MGA: variants seen among roughly 807,000 people sequenced by gnomAD.
The protein encoded by MGA is MAX gene-associated protein.
Under a neutral mutation model 261.1 loss-of-function variants are expected in MGA, and 40 were observed. That is an observed-to-expected ratio of 0.15 (90% CI 0.12 to 0.20). The LOEUF is 0.20. Among genes scored for constraint, MGA ranks in the 10% least tolerant of loss-of-function variants. The probability of loss-of-function intolerance (pLI) is 1.00; values close to 1 mark genes in which losing one functional copy is unlikely to be tolerated. For missense variants in MGA, 3,397 were observed against 3,630.5 expected (o/e 0.94, Z 1.65); for synonymous variants, 1,302 against 1,290.6 (o/e 1.01, Z -0.19).
Position 41,766,197 on chromosome 15 carries a change from A to C in MGA, c.8115A>C (p.Gly2705=). ...ATAAGGGTAGAATCTCTTCCAGAGG[A>C]AACAGAGATGGCAGAGTGACGTTGG... Residue 2705 remains glycine (G), a synonymous_variant, in exon 24 of 24, where the codon GGA becomes GGC. Transcript: ENST00000219905. 1 of 1,613,986 alleles carries C rather than the reference A, an allele frequency of 6.2e-7. No individual in the cohort carries two copies. Among genetic ancestry groups the C allele is most frequent in the Non-Finnish European group, 8.5e-7 (1 of 1,179,866 alleles).
intron 13 of MGA, among the ~76,000 whole-genome samples, chr15:41,738,665 T>C (rs1258357279): frequency 6.6e-6 from 1 of 152,204 alleles, no homozygotes. Context: ...CACCATAGAA[T>C]GTGTCTGCAT....
intron 5 of MGA, among the ~76,000 whole-genome samples, chr15:41,702,351 C>G (rs1209087632): frequency 6.7e-6 from 1 of 149,720 alleles, no homozygotes; most frequent in African/African-American, 2.4e-5. Context: ...TGGACTTAAA[C>G]AGTTTCTGAA....
Position 41,696,138 on chromosome 15 carries a change from C to T in MGA, c.1128C>T (p.Ser376=), listed in dbSNP as rs1326551159. 3 of 1,613,710 alleles carry T rather than the reference C, an allele frequency of 1.9e-6. No homozygotes were observed. The highest frequency in any genetic ancestry group is 2.7e-5 in the African/African-American group (2 of 74,842). Residue 376 remains serine, a synonymous_variant, in exon 3 of 24, where the codon AGC becomes AGT. Coordinates refer to ENST00000219905, the MANE Select transcript of MGA (RefSeq NM_001164273.2). Reference sequence around the variant, plus strand: ...CCTCACCGTTAGACCAGAACGGAAGCTTCAATGTTGTTATTAAAGAGGAAC... The same window carrying T: ...CCTCACCGTTAGACCAGAACGGAAGTTTCAATGTTGTTATTAAAGAGGAAC...
intron 2 of MGA, among the ~76,000 whole-genome samples, chr15:41,695,210 A>G (rs558048033): frequency 6.8e-6 from 1 of 146,790 alleles, no homozygotes; most frequent in African/African-American, 2.5e-5. Flanking sequence ...TTCTTTTTTG[A>G]CACAGGGTCT....
intron 9 of MGA, among the ~76,000 whole-genome samples, chr15:41,714,071 CTT>C (rs938378057): frequency 4.6e-5 from 7 of 152,060 alleles, no homozygotes; most frequent in African/African-American, 1.7e-4. Flanking sequence ...TCTGTTATAT[CTT>C]TGTATTTTGT....
At chr15:41,650,768 A>T (rs1388306331) in intron 1 of MGA, among the ~76,000 whole-genome samples, 3 of 152,116 alleles carry the variant, frequency 2.0e-5, no homozygotes. Context: ...ACCTCTTATA[A>T]ATATTTGATA....
At chr15:41,659,849 T>C (rs140841403), upstream of MGA, among the ~76,000 whole-genome samples, 26 of 152,364 alleles carry the variant, frequency 1.7e-4, no homozygotes, top group African/African-American at 5.3e-4. Context: ...TCCTCCCCAT[T>C]TTCCTAGTCG....
chr15:41,636,547 A>G (rs956860089), intron 1 of MGA, among the ~76,000 whole-genome samples: 35 of 142,166 alleles, frequency 2.5e-4, no homozygotes, highest in African/African-American at 7.9e-4. Flanking sequence ...TGCAACCTCC[A>G]CCTCCTGGGT....
At chr15:41,716,790 ATTC>A (rs1332411992) in intron 9 of MGA, among the ~76,000 whole-genome samples, 1 of 152,152 alleles carries the variant, frequency 6.6e-6, no homozygotes, top group East Asian at 1.9e-4. Flanking sequence ...TTCTTTTTAT[ATTC>A]TTTAGCACAG....
In MGA at chr15:41,736,038, A is replaced by G; in HGVS notation, c.3917-143A>G. 3.9e-6 allele frequency: 3 copies of G among 776,608 alleles called. No individual in the cohort carries two copies. In the South Asian group the frequency reaches 6.6e-5, roughly 17 times the overall value. 48.1% of individuals were successfully genotyped at this position (776,608 alleles called of 1,614,324 possible). On this transcript the variant is annotated intron_variant, in intron 12 of 23. Coordinates refer to ENST00000219905, the MANE Select transcript of MGA (RefSeq NM_001164273.2). The stretch of plus-strand genomic sequence containing the variant: ...AACTTTTTCTTCCTGGAAAACTCCC[A>G]AATTGTGAAAGTTGATACATTTTAA...
At chr15:41,656,340 T>TCTCTCTCTCC (rs2057176284), upstream of MGA, among the ~76,000 whole-genome samples, 1 of 68,148 alleles carries the variant, frequency 1.5e-5, no homozygotes, top group Non-Finnish European at 3.4e-5. Context: ...CTCCCTCTCC[T>TCTCTCTCTCC]CTCTTCTCTC....
Position 41,762,508 on chromosome 15 carries a change from C to CTGTCG in MGA, c.7744+146_7744+147insTGTCG, listed in dbSNP as rs567991759. ...TTTTTTTTTGGAGACAGCTCTGTCG[C>CTGTCG]CCAGGCTGCAGTTGCAGTGATGTGA... On this transcript the variant is annotated intron_variant, in intron 22 of 23. Coordinates refer to ENST00000219905, the MANE Select transcript of MGA (RefSeq NM_001164273.2). 196 of 595,134 alleles carry CTGTCG rather than the reference C, an allele frequency of 3.3e-4. 4 individuals are homozygous for CTGTCG. The East Asian group carries it at 6.2e-3, about 19-fold the overall frequency. The allele number at this position is 595,134 out of a possible 1,614,324, so 36.9% of individuals were successfully genotyped here. A position where few individuals can be genotyped will look rare whatever the true frequency, so the allele number is the denominator to read the frequency against.
intron 2 of MGA, among the ~76,000 whole-genome samples, chr15:41,685,214 A>G (rs1028805164): frequency 6.6e-6 from 1 of 152,220 alleles, no homozygotes; most frequent in African/African-American, 2.4e-5. Flanking sequence ...CACTTATTGA[A>G]AATAATTTTC....
intron 2 of MGA, among the ~76,000 whole-genome samples, chr15:41,683,686 A>T (rs1320998855): frequency 6.7e-6 from 1 of 150,314 alleles, no homozygotes; most frequent in African/African-American, 2.5e-5. Flanking sequence ...TCAAGTGATC[A>T]TCCCACATCA....
At chr15:41,694,041 CTT>C (rs1057052557) in intron 2 of MGA, among the ~76,000 whole-genome samples, 3 of 151,956 alleles carry the variant, frequency 2.0e-5, no homozygotes, top group African/African-American at 7.2e-5. Context: ...TTTAGTGTAA[CTT>C]TTCTAGTTCT....
At position 41,696,419 on chromosome 15, in the gene MGA, A is replaced by G. The variant is rs775898908; in HGVS notation, c.1409A>G (p.Tyr470Cys). Residue 470 changes from tyrosine (Y) to cysteine (C), a missense_variant, in exon 3 of 24, where the codon TAT (tyrosine) becomes TGT (cysteine). This residue lies in a region of MGA where 563 missense variants were observed against 563.6 expected (regional missense o/e 1.00). Transcript: ENST00000219905. ...GACACTGGAAAGATGCCAGTAGTCTATCTGGAGCCCTGTGCTGTCACCAGA... is the reference window on the plus strand; with the variant it reads ...GACACTGGAAAGATGCCAGTAGTCTGTCTGGAGCCCTGTGCTGTCACCAGA... 1.2e-6 allele frequency: 2 copies of G among 1,613,892 alleles called. No individual in the cohort carries two copies. Among genetic ancestry groups the G allele is most frequent in the Non-Finnish European group, 8.5e-7 (1 of 1,179,890 alleles).
At chr15:41,665,362 G>A (rs969627983) in intron 1 of MGA, among the ~76,000 whole-genome samples, 5 of 151,872 alleles carry the variant, frequency 3.3e-5, no homozygotes, top group South Asian at 2.1e-4. Flanking sequence ...ATATGAGTTC[G>A]GTTGATTTTA....
At chr15:41,764,629 G>T (rs925180752) in intron 22 of MGA, among the ~76,000 whole-genome samples, 1 of 151,916 alleles carries the variant, frequency 6.6e-6, no homozygotes, top group African/African-American at 2.4e-5. Flanking sequence ...GACCTCCTGG[G>T]CTTAAGCAAT....
chr15:41,730,974 G>C (rs2061479510), intron 11 of MGA, among the ~76,000 whole-genome samples: 1 of 152,168 alleles, frequency 6.6e-6, no homozygotes, highest in Admixed American at 6.5e-5. Context: ...CAGAGATAAA[G>C]AGAATGATGT....
Sources: gnomAD v4.1 joint callset for allele counts (sites outside exome capture counted in the v4.1 genomes callset) on GRCh38, gnomAD v4.1.1 for gene constraint, gnomAD v4.1.1 regional missense constraint, MANE v1.5 for transcripts, NCBI Gene and HGNC (gene_info 2026-07-23, HGNC 2026-07-21) for gene names.